TLN2: variants seen among roughly 807,000 people sequenced by gnomAD.
TLN2 encodes the protein talin 2.
Under a neutral mutation model 294.7 loss-of-function variants are expected in TLN2, and 118 were observed. The ratio of observed to expected loss-of-function variants is 0.40; its 90% confidence interval spans 0.34 to 0.47. The LOEUF (loss-of-function observed/expected upper bound fraction) is 0.47, where lower values mean the gene tolerates loss of function less well. TLN2 is among the 20% of genes least tolerant of loss of function. TLN2 has a pLI of 0.84. For missense variants in TLN2, 3,083 were observed against 3,282.2 expected, an observed-to-expected ratio of 0.94 and a Z score of 1.48; for synonymous variants, 1,431 against 1,304.5, an observed-to-expected ratio of 1.10 and a Z score of -2.09.
intron 1 of TLN2, among the ~76,000 whole-genome samples, chr15:62,572,955 A>C (rs1225855389): frequency 6.6e-6 from 1 of 151,554 alleles, no homozygotes; most frequent in South Asian, 2.1e-4. Flanking sequence ...CGGCTTCACC[A>C]TGGAGCTGGT....
intron 2 of TLN2, among the ~76,000 whole-genome samples, chr15:62,600,651 A>C (rs2046918156): frequency 6.6e-6 from 1 of 152,198 alleles, no homozygotes; most frequent in Non-Finnish European, 1.5e-5. Flanking sequence ...TTGTTTATTC[A>C]TAGTTTTAAA....
At chr15:62,834,621 G>A (rs568942086) in intron 55 of TLN2, 68 of 152,196 alleles carry the variant, frequency 4.5e-4, no homozygotes, top group African/African-American at 1.6e-3. Context: ...ATTCAGTATT[G>A]GTCCATGTCC....
intron 5 of TLN2, 93 bp downstream of exon 5, chr15:62,650,274 G>A: frequency 7.6e-7 from 1 of 1,312,004 alleles, no homozygotes; most frequent in Non-Finnish European, 1.1e-6. Flanking sequence ...TTGATTCAAG[G>A]GCATCTTATT....
chr15:62,490,467 C>T (rs1048730942), intron 1 of TLN2, among the ~76,000 whole-genome samples: 17 of 152,190 alleles, frequency 1.1e-4, no homozygotes, highest in African/African-American at 3.6e-4. Context: ...CATAAATATA[C>T]TTGGGCATGT....
At chr15:62,572,446 C>G (rs779704270) in intron 1 of TLN2, among the ~76,000 whole-genome samples, 10 of 152,132 alleles carry the variant, frequency 6.6e-5, no homozygotes, top group Non-Finnish European at 1.5e-4. Context: ...GGTTCTCACT[C>G]TGTTGCCCAG....
chr15:62,657,859 G>A lies in TLN2; in HGVS notation c.749G>A (p.Gly250Glu). ...FGGFQAQIQF[G>E]PHVEHKHKPG... ...GGATTTCAAGCCCAGATACAATTTG[G>A]ACCTCATGTGGAACATAAACACAAA... Residue 250 changes from glycine (G) to glutamate (E), a missense_variant, in exon 9 of 59, where the codon GGA (glycine) becomes GAA (glutamate). Transcript: ENST00000636159. The A allele has an allele frequency of 6.2e-7, 1 of 1,613,744 alleles. No individual in the cohort carries two copies. The highest frequency in any genetic ancestry group is 8.5e-7 in the Non-Finnish European group (1 of 1,179,844).
chr15:62,480,104 C>A (rs2037996048), intron 1 of TLN2, among the ~76,000 whole-genome samples: 1 of 152,084 alleles, frequency 6.6e-6, no homozygotes. Flanking sequence ...TCTCTGGGGT[C>A]TTCAGTTATT....
At chr15:62,684,908 C>A (rs747326750) in intron 11 of TLN2, among the ~76,000 whole-genome samples, 2 of 149,468 alleles carry the variant, frequency 1.3e-5, no homozygotes, top group Non-Finnish European at 3.0e-5. Flanking sequence ...TGTGCCATTA[C>A]CCTGTGTTGG....
At chr15:62,795,982 G>T in intron 46 of TLN2, 145 bp from the exon 47 acceptor site, 2 of 1,064,736 alleles carry the variant, frequency 1.9e-6, no homozygotes, top group Non-Finnish European at 2.6e-6. Context: ...CTGGTATCCA[G>T]ACTGAGGCCG....
intron 1 of TLN2, among the ~76,000 whole-genome samples, chr15:62,540,471 G>A (rs1485696670): frequency 6.6e-6 from 1 of 151,878 alleles, no homozygotes; most frequent in African/African-American, 2.4e-5. Flanking sequence ...GTAGAGAGAG[G>A]TGCAGGGCGT....
chr15:62,682,725 T>A lies in TLN2; in HGVS notation c.958-3916T>A, dbSNP rs570940387. Among the ~76,000 whole-genome samples the A allele has an allele frequency of 2.5e-4, 38 of 152,310 alleles. 1 individual carries two copies. The highest frequency in any genetic ancestry group is 2.3e-3 in the Admixed American group (35 of 15,296). ...CCTTCTTTTGCATTTCATCATGATC[T>A]GCTACACCAAAACCCCACAAGCAAC... is the stretch of plus-strand genomic sequence containing the variant. On this transcript the variant is annotated intron_variant, in intron 11 of 58. Transcript: ENST00000636159.
intron 3 of TLN2, among the ~76,000 whole-genome samples, chr15:62,636,625 T>G (rs2050411507): frequency 2.0e-5 from 3 of 152,208 alleles, no homozygotes; most frequent in Admixed American, 2.0e-4. Context: ...TGCTTTTGCC[T>G]TTTTGAGTGA....
At chr15:62,651,374 A>G (rs1177292944) in intron 5 of TLN2, among the ~76,000 whole-genome samples, 1 of 151,814 alleles carries the variant, frequency 6.6e-6, no homozygotes, top group Admixed American at 6.6e-5. Context: ...ATTGAAGGTG[A>G]CTCTAGGTGA....
intron 1 of TLN2, among the ~76,000 whole-genome samples, chr15:62,420,769 G>A (rs569409037): frequency 6.6e-6 from 1 of 152,142 alleles, no homozygotes; most frequent in Non-Finnish European, 1.5e-5. Flanking sequence ...GACCCATTTA[G>A]GATTAAACAA....
chr15:62,647,063 C>G (rs2051958109), intron 3 of TLN2, among the ~76,000 whole-genome samples: 1 of 152,202 alleles, frequency 6.6e-6, no homozygotes. Context: ...GTAGTAATAA[C>G]TCTTAGCCAA....
At position 62,390,573 on chromosome 15, in the gene TLN2, G is replaced by GGCGGCA. The variant is rs1423910739; in HGVS notation, c.-344_-339dup. On this transcript the variant is annotated 5_prime_UTR_variant, in exon 1 of 59. Transcript: ENST00000636159. Reference sequence around the variant, plus strand: ...TTGTTCCGCGCCCGGAGCCAGCGGCGGCGGCAGCGGCTGAGGCGGCTGCGG... The same window carrying GGCGGCA: ...TTGTTCCGCGCCCGGAGCCAGCGGCGGCGGCAGCGGCAGCGGCTGAGGCGGCTGCGG... The GGCGGCA allele has an allele frequency of 6.6e-6, 1 of 152,170 alleles. No homozygotes were observed. The highest frequency in any genetic ancestry group is 2.4e-5 in the African/African-American group (1 of 41,404). The allele number at this position is 152,170 out of a possible 1,614,324, so 9.4% of individuals were successfully genotyped here.
chr15:62,695,666 A>G (rs1395572399), intron 14 of TLN2, among the ~76,000 whole-genome samples: 1 of 152,148 alleles, frequency 6.6e-6, no homozygotes, highest in African/African-American at 2.4e-5. Context: ...CTTCCTAATC[A>G]CCCAAAAGGT....
At chr15:62,751,268 A>G (rs1404592416) in intron 34 of TLN2, among the ~76,000 whole-genome samples, 2 of 152,226 alleles carry the variant, frequency 1.3e-5, no homozygotes, top group East Asian at 1.9e-4. Context: ...AGCTGTTGCA[A>G]TCTGGCTTTG....
chr15:62,395,935 A>G (rs570100434), intron 1 of TLN2, among the ~76,000 whole-genome samples: 3 of 152,168 alleles, frequency 2.0e-5, no homozygotes, highest in African/African-American at 7.2e-5. Context: ...TCCTGGGTTC[A>G]AGTGATTCTC....
Sources: gnomAD v4.1 joint callset for allele counts (sites outside exome capture counted in the v4.1 genomes callset) on GRCh38, gnomAD v4.1.1 for gene constraint, MANE v1.5 for transcripts, NCBI Gene and HGNC (gene_info 2026-07-23, HGNC 2026-07-21) for gene names.